The following PIWIL2 variants were observed in gnomAD, a reference collection of about 807,000 sequenced individuals.
The protein encoded by PIWIL2 is piwi like RNA-mediated gene silencing 2.
A neutral mutation model predicts 116.5 loss-of-function variants in PIWIL2; 81 were observed. The observed-to-expected ratio is 0.70, with a 90% CI of 0.58 to 0.84. PIWIL2 has a LOEUF of 0.84. PIWIL2 is among the 40% of genes least tolerant of loss of function. The pLI, the probability that PIWIL2 is intolerant of heterozygous loss-of-function variation, is 0.00. For missense variants in PIWIL2, 1,272 were observed against 1,212.3 expected (o/e 1.05, Z -0.73); for synonymous variants, 489 against 429.5 (o/e 1.14, Z -1.71).
chr8:22,351,440 C>CATATATATATATATATAT (rs71544885), intron 20 of PIWIL2, among the ~76,000 whole-genome samples: 60 of 52,890 alleles, frequency 1.1e-3, no homozygotes, highest in African/African-American at 1.2e-3. Context: ...TGCATACATA[C>CATATATATATATATATAT]ATATATATAT....
At chr8:22,324,761 C>T (rs1416672609) in intron 20 of PIWIL2, among the ~76,000 whole-genome samples, 2 of 152,026 alleles carry the variant, frequency 1.3e-5, no homozygotes, top group East Asian at 3.8e-4. Context: ...TTAGAATGGG[C>T]CCTGCTTCAA....
chr8:22,298,193 C>G (rs987878476), intron 10 of PIWIL2, among the ~76,000 whole-genome samples: 4 of 151,928 alleles, frequency 2.6e-5, no homozygotes, highest in Non-Finnish European at 5.9e-5. Context: ...AATGTCAAGG[C>G]TGCAGTGAGT....
chr8:22,289,508 T>G (rs1037897626), intron 8 of PIWIL2, among the ~76,000 whole-genome samples: 1 of 152,206 alleles, frequency 6.6e-6, no homozygotes, highest in African/African-American at 2.4e-5. Flanking sequence ...ATAGCTCCCT[T>G]TGCCACACTG....
chr8:22,342,542 A>G (rs556073601), intron 20 of PIWIL2, among the ~76,000 whole-genome samples: 1 of 152,366 alleles, frequency 6.6e-6, no homozygotes, highest in African/African-American at 2.4e-5. Flanking sequence ...ATCTTTTCAA[A>G]AAATGGTGCT....
chr8:22,330,746 A>AATAAAAG (rs1831841728), intron 20 of PIWIL2, among the ~76,000 whole-genome samples: 1 of 151,276 alleles, frequency 6.6e-6, no homozygotes, highest in Non-Finnish European at 1.5e-5. Flanking sequence ...ATAAATAAAA[A>AATAAAAG]TAGTTGATAT....
intron 10 of PIWIL2, among the ~76,000 whole-genome samples, chr8:22,296,020 CTTTTTTTTTTTTTTTTTT>C (rs67357452): frequency 2.2e-4 from 23 of 102,840 alleles, no homozygotes; most frequent in South Asian, 9.0e-4. Context: ...CTCTTCCCTT[CTTTTTTTTTTTTTTTTTT>C]TTTTTTTTTT....
intron 20 of PIWIL2, among the ~76,000 whole-genome samples, chr8:22,349,209 G>A (rs1175032573): frequency 1.3e-5 from 2 of 151,028 alleles, no homozygotes; most frequent in African/African-American, 4.8e-5. Flanking sequence ...GTTTCACCAT[G>A]TTGCCCAGGC....
At chr8:22,308,215 A>C in intron 14 of PIWIL2, 142 bp downstream of exon 14, 1 of 559,144 alleles carries the variant, frequency 1.8e-6, no homozygotes. Context: ...TTTTTTTTTG[A>C]GACAGAGTCT....
intron 20 of PIWIL2, among the ~76,000 whole-genome samples, chr8:22,327,030 T>C (rs2132073154): frequency 6.9e-6 from 1 of 144,398 alleles, no homozygotes. Context: ...TTTACTTTTT[T>C]TTTTTTTTTT....
intron 11 of PIWIL2, 87 bp from the exon 12 acceptor site, chr8:22,304,697 C>A: frequency 1.3e-6 from 1 of 755,456 alleles, no homozygotes; most frequent in Non-Finnish European, 2.4e-6. Context: ...TTATATACCT[C>A]AGTCCTGGTT....
chr8:22,298,640 T>C lies in PIWIL2; in HGVS notation c.1182-5381T>C, dbSNP rs535669429. Reference sequence around the variant, plus strand: ...GTTGCCTGGGAAGTTTTCAAAATTATCTTGGTTGGACCTTCAGAATTGTCA... The same window carrying C: ...GTTGCCTGGGAAGTTTTCAAAATTACCTTGGTTGGACCTTCAGAATTGTCA... On this transcript the variant is annotated intron_variant, in intron 10 of 22. Coordinates refer to ENST00000356766, the MANE Select transcript of PIWIL2 (RefSeq NM_018068.5). 3.0e-4 allele frequency among the ~76,000 whole-genome samples: 45 copies of C among 152,298 alleles called. 1 individual carries two copies. In the South Asian group the frequency reaches 7.9e-3, roughly 27 times the overall value.
intron 22 of PIWIL2, 35 bp from the exon 23 acceptor site, chr8:22,355,314 G>A (rs975641318): frequency 6.2e-7 from 1 of 1,609,528 alleles, no homozygotes; most frequent in South Asian, 1.1e-5. Context: ...GAAGGTGGGG[G>A]ATGATGAGAA....
intron 10 of PIWIL2, among the ~76,000 whole-genome samples, chr8:22,292,060 T>G (rs1292406763): frequency 6.6e-6 from 1 of 152,230 alleles, no homozygotes; most frequent in East Asian, 1.9e-4. Context: ...GCTTTTGGCA[T>G]GTGGACAGCT....
chr8:22,282,993 A>G (rs1316327325), intron 4 of PIWIL2, 41 bp from the exon 5 acceptor site: 1 of 1,460,160 alleles, frequency 6.8e-7, no homozygotes, highest in East Asian at 2.3e-5. Flanking sequence ...GGACATAGCT[A>G]TTATAAAAAA....
intron 14 of PIWIL2, among the ~76,000 whole-genome samples, chr8:22,308,606 T>G (rs1831246459): frequency 1.3e-5 from 2 of 152,040 alleles, no homozygotes; most frequent in African/African-American, 4.8e-5. Context: ...TGAGCCAAGA[T>G]GGGGCCACTG....
At chr8:22,314,264 A>G (rs974014886) in intron 16 of PIWIL2, 64 bp from the exon 17 acceptor site, 30 of 779,630 alleles carry the variant, frequency 3.8e-5, no homozygotes, top group Non-Finnish European at 5.7e-5. Context: ...ACTGCCAACT[A>G]GAGTCCTGTA....
chr8:22,329,580 C>G (rs564462245), intron 20 of PIWIL2, among the ~76,000 whole-genome samples: 1 of 152,364 alleles, frequency 6.6e-6, no homozygotes, highest in East Asian at 1.9e-4. Flanking sequence ...TGGCCCAAGC[C>G]ATTCCTGAGG....
At chr8:22,345,442 C>G (rs1026542016) in intron 20 of PIWIL2, among the ~76,000 whole-genome samples, 8 of 151,624 alleles carry the variant, frequency 5.3e-5, no homozygotes, top group African/African-American at 7.2e-5. Context: ...GGGCGGATCA[C>G]TTGAGGCCAG....
At chr8:22,296,879 T>A (rs1347611983) in intron 10 of PIWIL2, among the ~76,000 whole-genome samples, 2 of 152,222 alleles carry the variant, frequency 1.3e-5, no homozygotes, top group Admixed American at 1.3e-4. Flanking sequence ...ATTCTTTTAA[T>A]TTTTATCTAA....
Sources: gnomAD v4.1 joint callset for allele counts (sites outside exome capture counted in the v4.1 genomes callset) on GRCh38, gnomAD v4.1.1 for gene constraint, MANE v1.5 for transcripts, NCBI Gene and HGNC (gene_info 2026-07-23, HGNC 2026-07-21) for gene names.